CHN1: variants seen among roughly 807,000 people sequenced by gnomAD.
CHN1 encodes chimerin 1.
In CHN1, 37 loss-of-function variants were observed where a neutral mutation model predicts 59.5. That is an observed-to-expected ratio of 0.62 (90% CI 0.48 to 0.82). The LOEUF is 0.82. CHN1 is among the 40% of genes least tolerant of loss of function. The pLI is 0.00. For missense variants in CHN1, 469 were observed against 571.0 expected, an observed-to-expected ratio of 0.82 and a Z score of 1.82; for synonymous variants, 206 against 200.4, an observed-to-expected ratio of 1.03 and a Z score of -0.24.
At chr2:174,954,460 A>G (rs1331342280) in intron 1 of CHN1, among the ~76,000 whole-genome samples, 3 of 152,182 alleles carry the variant, frequency 2.0e-5, no homozygotes, top group Non-Finnish European at 2.9e-5. Flanking sequence ...TAATTAAATG[A>G]AAAAGTTTCT....
At chr2:174,970,246 A>C (rs1690719408) in intron 1 of CHN1, among the ~76,000 whole-genome samples, 1 of 152,232 alleles carries the variant, frequency 6.6e-6, no homozygotes, top group South Asian at 2.1e-4. Context: ...CTTGAAGAAA[A>C]GCACATCTGA....
At chr2:174,946,633 G>A (rs192673250) in intron 2 of CHN1, among the ~76,000 whole-genome samples, 2 of 152,162 alleles carry the variant, frequency 1.3e-5, no homozygotes, top group South Asian at 2.1e-4. Context: ...TTAATTCTGA[G>A]GTAGAAAAGG....
chr2:174,851,036 A>G (rs1227183889), intron 6 of CHN1, among the ~76,000 whole-genome samples: 1 of 152,174 alleles, frequency 6.6e-6, no homozygotes, highest in East Asian at 1.9e-4. Context: ...CAGAATCCCC[A>G]TCTTTTGTCT....
At chr2:174,990,643 T>C (rs1691518038) in intron 1 of CHN1, among the ~76,000 whole-genome samples, 1 of 152,194 alleles carries the variant, frequency 6.6e-6, no homozygotes, top group Non-Finnish European at 1.5e-5. Context: ...CCTTTTCTTG[T>C]TCTTTTGAAA....
intron 6 of CHN1, among the ~76,000 whole-genome samples, chr2:174,865,207 T>C (rs1687182455): frequency 6.6e-6 from 1 of 152,114 alleles, no homozygotes; most frequent in African/African-American, 2.4e-5. Flanking sequence ...AACATAAGAG[T>C]TGCAATTCTA....
chr2:174,801,640 CTTCAT>C (rs1684724466), intron 12 of CHN1, 62 bp downstream of exon 12: 2 of 1,106,920 alleles, frequency 1.8e-6, no homozygotes, highest in Non-Finnish European at 2.7e-6. Context: ...TTCTTTCACC[CTTCAT>C]TTCATTTTGT....
At chr2:174,876,064 C>G (rs528440617) in intron 6 of CHN1, among the ~76,000 whole-genome samples, 2 of 152,276 alleles carry the variant, frequency 1.3e-5, no homozygotes, top group Admixed American at 1.3e-4. Context: ...CCAGGGAATT[C>G]AGTACAGAAA....
At chr2:174,964,471 G>C (rs187151264) in intron 1 of CHN1, among the ~76,000 whole-genome samples, 1 of 152,334 alleles carries the variant, frequency 6.6e-6, no homozygotes, top group East Asian at 1.9e-4. Flanking sequence ...AACTGAATCA[G>C]ACAGAGAAAA....
chr2:174,935,203 T>A (rs1021869985), intron 3 of CHN1, among the ~76,000 whole-genome samples: 1 of 152,224 alleles, frequency 6.6e-6, no homozygotes, highest in African/African-American at 2.4e-5. Flanking sequence ...CTACCAACTC[T>A]GCGCTTCTGC....
chr2:174,950,862 C>A (rs1015841048), intron 2 of CHN1, among the ~76,000 whole-genome samples: 1 of 151,030 alleles, frequency 6.6e-6, no homozygotes, highest in African/African-American at 2.5e-5. Flanking sequence ...TCACTGCAAC[C>A]TCTGCCTCCC....
chr2:174,808,343 G>T (rs1396516390), intron 11 of CHN1, among the ~76,000 whole-genome samples: 3 of 152,200 alleles, frequency 2.0e-5, no homozygotes, highest in Non-Finnish European at 4.4e-5. Flanking sequence ...GAATGCAATG[G>T]CACAATCTCA....
At chr2:175,002,199 C>A (rs1004188362) in intron 1 of CHN1, among the ~76,000 whole-genome samples, 3 of 152,096 alleles carry the variant, frequency 2.0e-5, no homozygotes, top group Non-Finnish European at 2.9e-5. Flanking sequence ...TATATCGAAG[C>A]TGATAATGAG....
At chr2:174,857,913 T>C (rs1686954161) in intron 6 of CHN1, among the ~76,000 whole-genome samples, 1 of 152,150 alleles carries the variant, frequency 6.6e-6, no homozygotes, top group African/African-American at 2.4e-5. Flanking sequence ...ATTTTCACTT[T>C]TTCAAAAAGC....
chr2:174,821,680 A>G (rs1685501293), intron 8 of CHN1: 2 of 441,002 alleles, frequency 4.5e-6, no homozygotes, highest in Non-Finnish European at 9.3e-6. Context: ...TCCCCTCTGG[A>G]GGACATAGCT....
chr2:174,941,021 G>T (rs117723138), intron 3 of CHN1, among the ~76,000 whole-genome samples: 4 of 151,868 alleles, frequency 2.6e-5, no homozygotes, highest in South Asian at 2.1e-4. Flanking sequence ...AACAAAGTGA[G>T]TTTTTTTTAA....
intron 6 of CHN1, among the ~76,000 whole-genome samples, chr2:174,854,852 C>T (rs1418501526): frequency 6.6e-6 from 1 of 152,106 alleles, no homozygotes; most frequent in Non-Finnish European, 1.5e-5. Flanking sequence ...GACCTACGGC[C>T]ATTGTTCTAT....
rs542502202 is a variant in CHN1 at position 174,823,394 on chromosome 2, T to A, written c.712+1040A>T. Among the ~76,000 whole-genome samples the A allele has an allele frequency of 2.3e-4, 35 of 152,364 alleles. 1 individual carries two copies. The South Asian group carries it at 6.4e-3, about 28-fold the overall frequency. ...TTAGAGTAGTTTGGGCTGGGTGCGG[T>A]GGCTCACGCCTGTAATCCCAGCACT... On this transcript the variant is annotated intron_variant, in intron 8 of 12. Coordinates refer to ENST00000409900, the MANE Select transcript of CHN1 (RefSeq NM_001822.7).
intron 11 of CHN1, among the ~76,000 whole-genome samples, chr2:174,802,782 G>A (rs547583775): frequency 5.9e-5 from 9 of 152,314 alleles, no homozygotes; most frequent in East Asian, 1.9e-4. Context: ...GCTCACACCC[G>A]TAATCCCAGC....
chr2:174,801,661 A>C (rs1684724897), intron 12 of CHN1, 46 bp downstream of exon 12: 3 of 1,373,438 alleles, frequency 2.2e-6, no homozygotes, highest in Admixed American at 1.8e-5. Context: ...TTTGTCCTTA[A>C]AATTTGGATG....
Sources: allele counts gnomAD v4.1 joint callset (sites outside exome capture counted in the v4.1 genomes callset), GRCh38; gene constraint gnomAD v4.1.1; transcripts MANE v1.5; gene names NCBI Gene and HGNC (gene_info 2026-07-23, HGNC 2026-07-21).